Variants in ADGRB3 observed in about 807,000 individuals in gnomAD.
ADGRB3 encodes the protein adhesion G protein-coupled receptor B3.
Under a neutral mutation model 193.4 loss-of-function variants are expected in ADGRB3, and 37 were observed. That is an observed-to-expected ratio of 0.19 (90% CI 0.15 to 0.25). The LOEUF is 0.25. Among genes scored for constraint, ADGRB3 ranks in the 10% least tolerant of loss-of-function variants. The probability of loss-of-function intolerance (pLI) is 1.00; values close to 1 mark genes in which losing one functional copy is unlikely to be tolerated. For synonymous variants in ADGRB3, 690 were observed against 644.2 expected, an observed-to-expected ratio of 1.07 and a Z score of -1.08; for missense variants, 1,637 against 1,852.9, an observed-to-expected ratio of 0.88 and a Z score of 2.14.
At chr6:68,945,170 A>G (rs1767742045) in intron 6 of ADGRB3, among the ~76,000 whole-genome samples, 1 of 152,154 alleles carries the variant, frequency 6.6e-6, no homozygotes, top group Non-Finnish European at 1.5e-5. Context: ...CCCTTCAGAG[A>G]AGGACTACTA....
At chr6:69,242,304 T>C (rs1043152653) in intron 20 of ADGRB3, among the ~76,000 whole-genome samples, 7 of 151,944 alleles carry the variant, frequency 4.6e-5, no homozygotes, top group Non-Finnish European at 5.9e-5. Context: ...ATCCCTTTGC[T>C]TCTGTGGGGA....
intron 17 of ADGRB3, among the ~76,000 whole-genome samples, chr6:69,143,263 T>C (rs577232745): frequency 6.6e-6 from 1 of 152,168 alleles, no homozygotes; most frequent in Non-Finnish European, 1.5e-5. Context: ...TTGTTTGAGC[T>C]CCTTATATAT....
chr6:69,317,162 AT>A (rs1346450691), intron 20 of ADGRB3, among the ~76,000 whole-genome samples: 1 of 151,480 alleles, frequency 6.6e-6, no homozygotes, highest in African/African-American at 2.4e-5. Flanking sequence ...AAGCATATTT[AT>A]TTGTAAAAAT....
intron 3 of ADGRB3, among the ~76,000 whole-genome samples, chr6:68,695,878 G>A (rs1357273357): frequency 6.6e-6 from 1 of 152,040 alleles, no homozygotes; most frequent in Non-Finnish European, 1.5e-5. Context: ...ATAACTGCGT[G>A]TGACACATTA....
chr6:68,710,016 C>A (rs927792096), intron 3 of ADGRB3, among the ~76,000 whole-genome samples: 3 of 152,102 alleles, frequency 2.0e-5, no homozygotes, highest in Non-Finnish European at 4.4e-5. Context: ...CATGTTAACA[C>A]ATATTGAGCA....
At chr6:69,024,811 G>C (rs60847833) in intron 13 of ADGRB3, among the ~76,000 whole-genome samples, 1 of 152,022 alleles carries the variant, frequency 6.6e-6, no homozygotes, top group African/African-American at 2.4e-5. Context: ...ATATTAAGGC[G>C]ACCGGGCACG....
Position 68,681,454 on chromosome 6 carries a change from C to T in ADGRB3, c.757+42022C>T, listed in dbSNP as rs115137690. Among the ~76,000 whole-genome samples, 664 of 152,082 alleles carry T rather than the reference C, an allele frequency of 4.4e-3. 3 individuals carry two copies. The highest frequency in any genetic ancestry group is 0.015 in the African/African-American group (612 of 41,468). ...GCCACCACATCTGGCCAATCTTTCT[C>T]ATTTTTGTAGAGATGGGGTCTCGCG... On this transcript the variant is annotated intron_variant, in intron 3 of 31. Coordinates refer to ENST00000370598, the MANE Select transcript of ADGRB3 (RefSeq NM_001704.3).
chr6:69,066,125 A>G (rs1352894852), intron 16 of ADGRB3, among the ~76,000 whole-genome samples: 2 of 151,604 alleles, frequency 1.3e-5, no homozygotes, highest in South Asian at 2.1e-4. Context: ...GACAACTAAT[A>G]CAAACACACC....
chr6:68,881,423 T>C (rs903745436), intron 3 of ADGRB3, among the ~76,000 whole-genome samples: 1 of 152,140 alleles, frequency 6.6e-6, no homozygotes, highest in Non-Finnish European at 1.5e-5. Context: ...TTTGTAGATA[T>C]TGAGTAGCTG....
chr6:68,980,262 TAAAG>T (rs1358204980), intron 10 of ADGRB3, among the ~76,000 whole-genome samples: 1 of 151,514 alleles, frequency 6.6e-6, no homozygotes, highest in Non-Finnish European at 1.5e-5. Context: ...TTACAGATGT[TAAAG>T]AACTTGAATC....
At chr6:68,926,565 G>A (rs1767186510) in intron 3 of ADGRB3, among the ~76,000 whole-genome samples, 2 of 152,134 alleles carry the variant, frequency 1.3e-5, no homozygotes, top group Non-Finnish European at 2.9e-5. Flanking sequence ...AGTTTATTGA[G>A]AAGCAATAAT....
At chr6:69,239,274 C>A (rs1032861004) in intron 20 of ADGRB3, 48 bp downstream of exon 20, 2 of 1,316,060 alleles carry the variant, frequency 1.5e-6, no homozygotes, top group Non-Finnish European at 2.1e-6. Flanking sequence ...TATATTTTGG[C>A]ATATTGTTAG....
intron 3 of ADGRB3, among the ~76,000 whole-genome samples, chr6:68,763,029 T>C (rs1341562064): frequency 2.6e-5 from 4 of 152,200 alleles, no homozygotes; most frequent in Non-Finnish European, 5.9e-5. Flanking sequence ...TAATTAATAC[T>C]ATAACAACTA....
intron 20 of ADGRB3, among the ~76,000 whole-genome samples, chr6:69,315,652 A>G (rs1018458537): frequency 1.3e-5 from 2 of 151,458 alleles, no homozygotes; most frequent in Non-Finnish European, 3.0e-5. Flanking sequence ...TTTCCATAGC[A>G]TAATTAATGA....
rs570139009 is a variant in ADGRB3, at chr6:68,710,856, A to G, written c.757+71424A>G. On this transcript the variant is annotated intron_variant, in intron 3 of 31. Coordinates refer to ENST00000370598, the MANE Select transcript of ADGRB3 (RefSeq NM_001704.3). ...GAACTCCTAGAGGTGTGTAGTCCACAGTTTTAAATCTCCCTGTGTTCTTGA... is the reference window on the plus strand; with the variant it reads ...GAACTCCTAGAGGTGTGTAGTCCACGGTTTTAAATCTCCCTGTGTTCTTGA... 6.6e-5 allele frequency among the ~76,000 whole-genome samples: 10 copies of G among 152,222 alleles called. No individual in the cohort carries two copies. In the South Asian group the frequency reaches 1.9e-3, roughly 28 times the overall value.
intron 3 of ADGRB3, among the ~76,000 whole-genome samples, chr6:68,883,409 C>T (rs927566043): frequency 3.9e-5 from 6 of 152,182 alleles, no homozygotes. Context: ...CCAGCTGCGG[C>T]AATCAGGTTG....
chr6:68,849,363 A>T (rs190237186), intron 3 of ADGRB3, among the ~76,000 whole-genome samples: 63 of 151,970 alleles, frequency 4.1e-4, no homozygotes, highest in African/African-American at 1.4e-3. Flanking sequence ...AAAAAAAATC[A>T]CTGAAAATTT....
chr6:69,022,509 A>G (rs550135121), intron 13 of ADGRB3, among the ~76,000 whole-genome samples: 1 of 151,960 alleles, frequency 6.6e-6, no homozygotes, highest in East Asian at 1.9e-4. Flanking sequence ...TTGCAATCCT[A>G]TTTCTCTTAT....
chr6:68,737,141 G>GTA (rs1442615156), intron 3 of ADGRB3, among the ~76,000 whole-genome samples: 1 of 151,982 alleles, frequency 6.6e-6, no homozygotes, highest in Non-Finnish European at 1.5e-5. Flanking sequence ...GCTTAAATTT[G>GTA]TATATGCATC....
Sources: allele counts gnomAD v4.1 joint callset (sites outside exome capture counted in the v4.1 genomes callset), GRCh38; gene constraint gnomAD v4.1.1; transcripts MANE v1.5; gene names NCBI Gene and HGNC (gene_info 2026-07-23, HGNC 2026-07-21).